The following FAM163A variants were observed in gnomAD, a reference collection of about 807,000 sequenced individuals.
FAM163A encodes the protein protein FAM163A.
A neutral mutation model predicts 12.0 loss-of-function variants in FAM163A; 7 were observed. The ratio of observed to expected loss-of-function variants is 0.58; its 90% CI spans 0.33 to 1.10. FAM163A has a LOEUF of 1.10. Among genes scored for constraint, FAM163A ranks in the 50% least tolerant of loss-of-function variants. The pLI is 0.03. For missense variants in FAM163A, 202 were observed against 218.6 expected (o/e 0.92, Z 0.48); for synonymous variants, 101 against 91.0 (o/e 1.11, Z -0.62).
At position 179,802,059 on chromosome 1, in the gene FAM163A, T is replaced by G. The variant is rs539992992; in HGVS notation, c.-135-5739T>G. Reference sequence around the variant, plus strand: ...TGAAAGCCTCCTTTCTTTTCTCTTTTTGTTTGACTTGGACTTCAGATGCAG... The same window carrying G: ...TGAAAGCCTCCTTTCTTTTCTCTTTGTGTTTGACTTGGACTTCAGATGCAG... On this transcript the variant is annotated intron_variant, in intron 1 of 4. Transcript: ENST00000341785. Among the ~76,000 whole-genome samples, 142 of 152,126 alleles carry G rather than the reference T, an allele frequency of 9.3e-4. 1 individual carries two copies. The highest frequency in any genetic ancestry group is 3.4e-3 in the Middle Eastern group (1 of 294).
Position 179,815,461 on chromosome 1 carries a change from G to A in FAM163A, c.*1272G>A, listed in dbSNP as rs960312538. ...CACCAGAGCAACAGCCCAGTCCTGAGGATGGGAGGGACGTGACTTAGCCTT... is the reference window on the plus strand; with the variant it reads ...CACCAGAGCAACAGCCCAGTCCTGAAGATGGGAGGGACGTGACTTAGCCTT... On this transcript the variant is annotated 3_prime_UTR_variant, in exon 5 of 5. Coordinates refer to ENST00000341785, the MANE Select transcript of FAM163A (RefSeq NM_173509.3). 6.6e-6 allele frequency: 1 copy of A among 152,242 alleles called. No individual in the cohort carries two copies. The highest frequency in any genetic ancestry group is 6.5e-5 in the Admixed American group (1 of 15,278). 9.4% of individuals were successfully genotyped at this position (152,242 alleles called of 1,614,324 possible). A position where few individuals can be genotyped will look rare whatever the true frequency, so the allele number is the denominator to read the frequency against.
At chr1:179,776,037 A>C (rs139180930) in intron 1 of FAM163A, among the ~76,000 whole-genome samples, 1 of 152,192 alleles carries the variant, frequency 6.6e-6, no homozygotes. Flanking sequence ...AGATTGTTAC[A>C]TATGAGGGTT....
chr1:179,759,671 C>A (rs1450551621), intron 1 of FAM163A, among the ~76,000 whole-genome samples: 7 of 151,152 alleles, frequency 4.6e-5, no homozygotes, highest in Admixed American at 1.3e-4. Context: ...GAACTAGATC[C>A]CCTTTTTTTT....
At chr1:179,775,306 A>T (rs1485252517) in intron 1 of FAM163A, among the ~76,000 whole-genome samples, 1 of 152,218 alleles carries the variant, frequency 6.6e-6, no homozygotes, top group Non-Finnish European at 1.5e-5. Context: ...GGCTAAGGTG[A>T]AGTTACAAAG....
intron 4 of FAM163A, 87 bp from the exon 5 acceptor site, chr1:179,813,692 G>T: frequency 1.4e-6 from 2 of 1,477,260 alleles, no homozygotes; most frequent in Admixed American, 3.8e-5. Flanking sequence ...CATGGAGCAG[G>T]GGACAGGGGC....
chr1:179,783,879 G>T (rs774870050), intron 1 of FAM163A, among the ~76,000 whole-genome samples: 30 of 125,094 alleles, frequency 2.4e-4, no homozygotes, highest in Non-Finnish European at 4.2e-4. Context: ...TAGTAAAAAA[G>T]AGAAACTAAA....
At chr1:179,775,433 C>T (rs779487160) in intron 1 of FAM163A, among the ~76,000 whole-genome samples, 2 of 152,290 alleles carry the variant, frequency 1.3e-5, no homozygotes, top group African/African-American at 2.4e-5. Context: ...AGCCTCTGGT[C>T]CTTTTGTTAC....
At chr1:179,768,513 G>C (rs1055936459) in intron 1 of FAM163A, among the ~76,000 whole-genome samples, 2 of 152,230 alleles carry the variant, frequency 1.3e-5, no homozygotes, top group Non-Finnish European at 2.9e-5. Context: ...GCAGGGGCAA[G>C]TGATGGTGGC....
intron 1 of FAM163A, among the ~76,000 whole-genome samples, chr1:179,778,895 C>G (rs1336024515): frequency 6.6e-6 from 1 of 152,154 alleles, no homozygotes; most frequent in African/African-American, 2.4e-5. Context: ...AGACACAGAC[C>G]TAATAGAGGC....
the FAM163A span, among the ~76,000 whole-genome samples, chr1:179,736,159 C>T: frequency 6.6e-6 from 1 of 152,010 alleles, no homozygotes; most frequent in Non-Finnish European, 1.5e-5. Context: ...GCAAAGGTCA[C>T]AAAAGCAAGA....
chr1:179,737,406 A>G, the FAM163A span, among the ~76,000 whole-genome samples: 2 of 152,364 alleles, frequency 1.3e-5, no homozygotes, highest in South Asian at 4.1e-4. Flanking sequence ...CAGTTATACA[A>G]GATGAATAAA....
At chr1:179,794,680 A>G (rs1692013196) in intron 1 of FAM163A, among the ~76,000 whole-genome samples, 2 of 152,206 alleles carry the variant, frequency 1.3e-5, no homozygotes, top group African/African-American at 2.4e-5. Flanking sequence ...AGTATGCACT[A>G]TGTTTGGAGT....
At chr1:179,766,124 A>G (rs2318391) in intron 1 of FAM163A, among the ~76,000 whole-genome samples, 22,515 of 152,118 alleles carry the variant, frequency 0.15, 1,791 homozygotes, top group African/African-American at 0.19. Flanking sequence ...TTTCCCCTAC[A>G]TTCCTGTCTC....
rs200398732 is a variant in FAM163A, at chr1:179,797,217, C to CG, written c.-135-10578dup. 2.6e-5 allele frequency among the ~76,000 whole-genome samples: 4 copies of CG among 152,144 alleles called. No homozygotes were observed. In the South Asian group the frequency reaches 8.3e-4, roughly 32 times the overall value. On this transcript the variant is annotated intron_variant, in intron 1 of 4. Transcript: ENST00000341785. ...GTCCCAGCACTGTGGGAGGCCGAGGCGGGCAGCTCACTTGAAGTCAGGAGT... is the reference window on the plus strand; with the variant it reads ...GTCCCAGCACTGTGGGAGGCCGAGGCGGGGCAGCTCACTTGAAGTCAGGAGT...
intron 1 of FAM163A, among the ~76,000 whole-genome samples, chr1:179,779,630 G>A (rs891861829): frequency 2.6e-5 from 4 of 152,190 alleles, no homozygotes; most frequent in African/African-American, 9.6e-5. Context: ...AGACATTTGA[G>A]ACTAAAAACC....
chr1:179,803,061 A>G (rs1287361546), intron 1 of FAM163A, among the ~76,000 whole-genome samples: 1 of 152,056 alleles, frequency 6.6e-6, no homozygotes, highest in Non-Finnish European at 1.5e-5. Flanking sequence ...TAATGGGCAT[A>G]TATACAATCA....
chr1:179,737,546 C>A, the FAM163A span, among the ~76,000 whole-genome samples: 1 of 152,008 alleles, frequency 6.6e-6, no homozygotes, highest in Non-Finnish European at 1.5e-5. Context: ...CAAAAAAGAC[C>A]AAAAAGCAGC....
chr1:179,807,572 G>A (rs996977227), intron 1 of FAM163A, among the ~76,000 whole-genome samples: 9 of 152,212 alleles, frequency 5.9e-5, no homozygotes, highest in African/African-American at 1.9e-4. Context: ...CAGCACAGAG[G>A]GAAGGAGACA....
chr1:179,809,925 C>G (rs1199295145), intron 2 of FAM163A, among the ~76,000 whole-genome samples: 1 of 152,200 alleles, frequency 6.6e-6, no homozygotes, highest in Admixed American at 6.5e-5. Context: ...GCCCGCCATG[C>G]ACCTGGGCAA....
Sources: allele counts gnomAD v4.1 joint callset (sites outside exome capture counted in the v4.1 genomes callset), GRCh38; gene constraint gnomAD v4.1.1; transcripts MANE v1.5; gene names NCBI Gene and HGNC (gene_info 2026-07-23, HGNC 2026-07-21).